The following ABCA13 variants were observed in gnomAD, a reference collection of about 807,000 sequenced individuals.
ABCA13 encodes the protein ATP binding cassette subfamily A member 13, also known as ATP-binding cassette sub-family A member 13.
ABCA13 carries 476 observed loss-of-function variants against 478.7 expected under a neutral mutation model. The observed-to-expected ratio is 0.99, with a 90% confidence interval of 0.92 to 1.07. The LOEUF (loss-of-function observed/expected upper bound fraction) is 1.07, where lower values mean the gene tolerates loss of function less well. ABCA13 is among the 50% of genes least tolerant of loss of function. ABCA13 has a pLI of 0.00. For synonymous variants in ABCA13, 2,252 were observed against 2,158.9 expected (o/e 1.04, Z -1.20); for missense variants, 6,060 against 5,910.6 (o/e 1.03, Z -0.83).
intron 15 of ABCA13, among the ~76,000 whole-genome samples, chr7:48,254,983 C>T (rs530890326): frequency 6.6e-6 from 1 of 152,300 alleles, no homozygotes; most frequent in Admixed American, 6.5e-5. Flanking sequence ...CTTCCCTATT[C>T]TGTAATGTTG....
Position 48,368,687 on chromosome 7 carries a change from G to GTATATATA in ABCA13, c.10803+800_10803+807dup, listed in dbSNP as rs201820250. On this transcript the variant is annotated intron_variant, in intron 32 of 61. Transcript: ENST00000435803. The stretch of plus-strand genomic sequence containing the variant: ...TCCCATGGTGTGTGTGTGTGTATGT[G>GTATATATA]TATATATATATATATATATATATAT... Among the ~76,000 whole-genome samples, 442 of 122,726 alleles carry GTATATATA rather than the reference G, an allele frequency of 3.6e-3. 3 individuals carry two copies. The highest frequency in any genetic ancestry group is 0.012 in the African/African-American group (377 of 32,588). 80.5% of individuals were successfully genotyped at this position (122,726 alleles called of 152,430 possible). A position where few individuals can be genotyped will look rare whatever the true frequency, so the allele number is the denominator to read the frequency against.
chr7:48,498,174 T>G (rs1467415865), intron 48 of ABCA13, among the ~76,000 whole-genome samples: 1 of 152,104 alleles, frequency 6.6e-6, no homozygotes, highest in Non-Finnish European at 1.5e-5. Context: ...AGTGGAAGAT[T>G]CACTACCCAA....
chr7:48,335,376 A>G (rs1416762762), intron 27 of ABCA13, 46 bp from the exon 28 acceptor site: 2 of 1,391,458 alleles, frequency 1.4e-6, no homozygotes, highest in South Asian at 1.3e-5. Flanking sequence ...TTATCTTAAT[A>G]TAACAGCTGA....
chr7:48,550,074 G>A (rs535755682), intron 55 of ABCA13, among the ~76,000 whole-genome samples: 26 of 151,702 alleles, frequency 1.7e-4, no homozygotes, highest in South Asian at 1.2e-3. Context: ...TAATTAAACC[G>A]CATTTGTCAA....
At chr7:48,356,387 C>CTT (rs56950269) in intron 31 of ABCA13, among the ~76,000 whole-genome samples, 4 of 138,580 alleles carry the variant, frequency 2.9e-5, no homozygotes, top group African/African-American at 2.7e-5. Context: ...TGGAAGAAGT[C>CTT]TTTTTTTTTT....
At chr7:48,188,626 T>G (rs1211729364) in intron 1 of ABCA13, among the ~76,000 whole-genome samples, 2 of 152,186 alleles carry the variant, frequency 1.3e-5, no homozygotes, top group Non-Finnish European at 2.9e-5. Flanking sequence ...TCCTGCCTCC[T>G]CTAATTTATT....
At chr7:48,544,350 T>C (rs890822778) in intron 55 of ABCA13, among the ~76,000 whole-genome samples, 122 of 151,948 alleles carry the variant, frequency 8.0e-4, no homozygotes, top group African/African-American at 2.5e-3. Context: ...TTTATGGCGC[T>C]GGCAGCCTCT....
rs770080865 is a variant in ABCA13, at chr7:48,274,320, A to T, written c.4654A>T (p.Lys1552Ter). 3 of 1,613,390 alleles carry T rather than the reference A, an allele frequency of 1.9e-6. No individual in the cohort carries two copies. Among genetic ancestry groups the T allele is most frequent in the South Asian group, 1.1e-5 (1 of 90,988 alleles). ...NIWLHLITLG[K>*]EFQKLVKGIY... The stretch of plus-strand genomic sequence containing the variant: ...TTGGCTTCATTTAATAACACTGGGG[A>T]AGGAATTTCAGAAGCTTGTAAAAGG... Residue 1552 changes from lysine to a stop codon, truncating the protein, a stop_gained, in exon 17 of 62, where the codon AAG becomes TAG. Coordinates refer to ENST00000435803, the MANE Select transcript of ABCA13 (RefSeq NM_152701.5). LOFTEE classifies it high-confidence loss of function.
intron 27 of ABCA13, among the ~76,000 whole-genome samples, chr7:48,327,777 A>G (rs1483229265): frequency 6.6e-6 from 1 of 152,208 alleles, no homozygotes; most frequent in Non-Finnish European, 1.5e-5. Context: ...GATACTGGGT[A>G]CCTAATTTAC....
At chr7:48,444,676 C>T (rs1824051697) in intron 42 of ABCA13, among the ~76,000 whole-genome samples, 1 of 152,100 alleles carries the variant, frequency 6.6e-6, no homozygotes, top group African/African-American at 2.4e-5. Context: ...TTCCTTGTTC[C>T]CATACTGCTG....
rs1393905025 is a variant in ABCA13, at chr7:48,279,479, T to C, written c.8285T>C (p.Met2762Thr). Residue 2762 changes from methionine (M) to threonine (T), a missense_variant, in exon 18 of 62, where the codon ATG becomes ACG. Coordinates refer to ENST00000435803, the MANE Select transcript of ABCA13 (RefSeq NM_152701.5). Reference sequence around the variant, plus strand: ...AATTGGAATGTTTCTAATGTGTTGATGACATTTACTCAGCATCCAAATAAC... The same window carrying C: ...AATTGGAATGTTTCTAATGTGTTGACGACATTTACTCAGCATCCAAATAAC... ...KDNWNVSNVL[M>T]TFTQHPNNLL... 1 of 1,612,140 alleles carries C rather than the reference T, an allele frequency of 6.2e-7. No homozygotes were observed.
chr7:48,596,015 G>T (rs761986744), intron 58 of ABCA13, among the ~76,000 whole-genome samples: 34 of 152,264 alleles, frequency 2.2e-4, no homozygotes, highest in Non-Finnish European at 3.8e-4. Flanking sequence ...TTTCTGAGAG[G>T]ACCTCAGGAG....
intron 15 of ABCA13, among the ~76,000 whole-genome samples, chr7:48,260,449 A>G (rs187161848): frequency 2.0e-5 from 3 of 152,150 alleles, no homozygotes; most frequent in Non-Finnish European, 2.9e-5. Context: ...CCATTTTACC[A>G]ATGTAGTTTT....
chr7:48,314,208 A>T (rs752424897), intron 25 of ABCA13, 24 bp from the exon 26 acceptor site: 6 of 1,604,650 alleles, frequency 3.7e-6, no homozygotes, highest in African/African-American at 1.3e-5. Context: ...ATGTAATTGC[A>T]ATTTAGTTTT....
At chr7:48,377,804 G>A (rs143386234) in intron 35 of ABCA13, among the ~76,000 whole-genome samples, 131 of 152,286 alleles carry the variant, frequency 8.6e-4, no homozygotes, top group African/African-American at 3.0e-3. Flanking sequence ...CAAGGAAATT[G>A]GATGAGAAGC....
chr7:48,470,624 C>T (rs545765639), intron 44 of ABCA13, among the ~76,000 whole-genome samples: 4 of 152,246 alleles, frequency 2.6e-5, no homozygotes, highest in East Asian at 3.9e-4. Flanking sequence ...TCAAAAATTA[C>T]GTAGACATTG....
intron 55 of ABCA13, among the ~76,000 whole-genome samples, chr7:48,539,182 C>A (rs985921703): frequency 6.6e-6 from 1 of 152,004 alleles, no homozygotes; most frequent in African/African-American, 2.4e-5. Context: ...GAGTTTGAGA[C>A]CGGTCTGGGA....
chr7:48,434,017 C>T (rs764123766), intron 42 of ABCA13, among the ~76,000 whole-genome samples: 8 of 151,788 alleles, frequency 5.3e-5, no homozygotes, highest in Non-Finnish European at 1.2e-4. Flanking sequence ...CCTGCTTTTA[C>T]TTTTTTTGAG....
intron 46 of ABCA13, 43 bp from the exon 47 acceptor site, chr7:48,483,033 T>C (rs1828929860): frequency 6.5e-7 from 1 of 1,526,784 alleles, no homozygotes; most frequent in African/African-American, 1.4e-5. Flanking sequence ...GAAGTCCTGG[T>C]GCTCTGTGGT....
Sources: allele counts gnomAD v4.1 joint callset (sites outside exome capture counted in the v4.1 genomes callset), GRCh38; gene constraint gnomAD v4.1.1; transcripts MANE v1.5; gene names NCBI Gene and HGNC (gene_info 2026-07-23, HGNC 2026-07-21).